Variants in LIPA observed in about 807,000 individuals in gnomAD.
LIPA encodes lysosomal acid lipase/cholesteryl ester hydrolase.
A neutral mutation model predicts 40.6 loss-of-function variants in LIPA; 26 were observed. The ratio of observed to expected loss-of-function variants is 0.64; its 90% CI spans 0.47 to 0.89. The LOEUF is 0.89. Among genes scored for constraint, LIPA ranks in the 40% least tolerant of loss-of-function variants. The probability of loss-of-function intolerance (pLI) is 0.00; values close to 1 mark genes in which losing one functional copy is unlikely to be tolerated. For synonymous variants in LIPA, 188 were observed against 168.4 expected (o/e 1.12, Z -0.90); for missense variants, 455 against 479.6 (o/e 0.95, Z 0.48).
intron 1 of LIPA, among the ~76,000 whole-genome samples, chr10:89,334,677 C>T (rs1477666485): frequency 6.7e-6 from 1 of 150,330 alleles, no homozygotes; most frequent in Non-Finnish European, 1.5e-5. Context: ...GTTTTTAGTA[C>T]AGGCGGGGTT....
In LIPA at chr10:89,397,474, G is replaced by A. The variant is rs1844361038; in HGVS notation, c.61+15317C>T. Among the ~76,000 whole-genome samples, 3 of 151,628 alleles carry A rather than the reference G, an allele frequency of 2.0e-5. No individual in the cohort carries two copies. In the South Asian group the frequency reaches 6.2e-4, roughly 31 times the overall value. On this transcript the variant is annotated intron_variant, in intron 2 of 8. Transcript: ENST00000371837. The stretch of plus-strand genomic sequence containing the variant: ...CATCCATTTAAACTCTTGCCAATCT[G>A]AGTGGAATAAAGTTATAAATTATTG...
intron 1 of LIPA, 73 bp from the exon 2 acceptor site, chr10:89,247,722 C>T (rs1219013118): frequency 9.2e-7 from 1 of 1,082,816 alleles, no homozygotes; most frequent in Non-Finnish European, 1.4e-6. Flanking sequence ...ACTTAATGCT[C>T]CCACAAAAAG....
chr10:89,413,963 A>C (rs1200754389), intron 1 of LIPA, among the ~76,000 whole-genome samples: 1 of 152,130 alleles, frequency 6.6e-6, no homozygotes, highest in African/African-American at 2.4e-5. Context: ...AAGGGGACAA[A>C]ATGTTTAAGG....
intron 2 of LIPA, among the ~76,000 whole-genome samples, chr10:89,353,008 A>G (rs972814860): frequency 6.6e-6 from 1 of 152,184 alleles, no homozygotes; most frequent in Non-Finnish European, 1.5e-5. Flanking sequence ...CCTATCGTTC[A>G]TGTAAAACTG....
At chr10:89,390,940 A>G (rs1028701175) in intron 2 of LIPA, among the ~76,000 whole-genome samples, 1 of 152,202 alleles carries the variant, frequency 6.6e-6, no homozygotes, top group Non-Finnish European at 1.5e-5. Context: ...CATGTATCTG[A>G]GTGCAAGACA....
chr10:89,400,781 A>G (rs2133626349), intron 2 of LIPA, among the ~76,000 whole-genome samples: 1 of 152,324 alleles, frequency 6.6e-6, no homozygotes, highest in African/African-American at 2.4e-5. Context: ...TGCTCTGACT[A>G]GAATTTCCAG....
At chr10:89,373,334 C>CAAAAAAAAAAAAA (rs34479360) in intron 2 of LIPA, among the ~76,000 whole-genome samples, 7 of 63,164 alleles carry the variant, frequency 1.1e-4, no homozygotes, top group African/African-American at 4.3e-4. Context: ...GACTCCCTCT[C>CAAAAAAAAAAAAA]AAAAAAAAAA....
At chr10:89,233,609 G>A (rs1157230267) in intron 3 of LIPA, among the ~76,000 whole-genome samples, 2 of 152,198 alleles carry the variant, frequency 1.3e-5, no homozygotes, top group African/African-American at 2.4e-5. Context: ...CCCTTAAAAA[G>A]CAATGGCAGG....
intron 2 of LIPA, among the ~76,000 whole-genome samples, chr10:89,352,243 T>C (rs1158926476): frequency 7.9e-5 from 12 of 152,130 alleles, no homozygotes; most frequent in Admixed American, 7.2e-4. Context: ...TTTCTAAAAA[T>C]TGACCTCTAT....
intron 2 of LIPA, among the ~76,000 whole-genome samples, chr10:89,385,916 AG>A (rs1229748216): frequency 6.6e-6 from 1 of 152,258 alleles, no homozygotes; most frequent in African/African-American, 2.4e-5. Flanking sequence ...TTCAAAAACA[AG>A]TGTATTTTGT....
chr10:89,392,867 A>G, intron 2 of LIPA: 1 of 795,902 alleles, frequency 1.3e-6, no homozygotes, highest in Non-Finnish European at 2.1e-6. Context: ...GTGTGCATGC[A>G]TGTGTGTGCA....
At chr10:89,276,475 A>C (rs541070339) in intron 1 of LIPA, among the ~76,000 whole-genome samples, 1 of 152,242 alleles carries the variant, frequency 6.6e-6, no homozygotes, top group African/African-American at 2.4e-5. Flanking sequence ...TTGGTTAACT[A>C]TAATACACCA....
At chr10:89,324,157 A>G (rs190293045) in intron 1 of LIPA, among the ~76,000 whole-genome samples, 3 of 152,324 alleles carry the variant, frequency 2.0e-5, no homozygotes, top group Non-Finnish European at 4.4e-5. Flanking sequence ...ACCAAAATGC[A>G]TGGTACTGGT....
chr10:89,283,290 T>G (rs533410371), intron 1 of LIPA, among the ~76,000 whole-genome samples: 1 of 152,326 alleles, frequency 6.6e-6, no homozygotes, highest in South Asian at 2.1e-4. Context: ...TAGGTCATTT[T>G]CCTTTTTCTG....
chr10:89,287,897 TG>T (rs1215534626), intron 1 of LIPA, among the ~76,000 whole-genome samples: 2 of 152,178 alleles, frequency 1.3e-5, no homozygotes, highest in African/African-American at 4.8e-5. Flanking sequence ...TACACTCTTT[TG>T]TCCTCAATAC....
chr10:89,280,156 A>G (rs940422871), intron 1 of LIPA, among the ~76,000 whole-genome samples: 4 of 152,222 alleles, frequency 2.6e-5, no homozygotes, highest in African/African-American at 9.6e-5. Flanking sequence ...AACAACATGG[A>G]TGGGGAGTGA....
At chr10:89,377,166 G>C (rs968449436) in intron 2 of LIPA, among the ~76,000 whole-genome samples, 8 of 152,140 alleles carry the variant, frequency 5.3e-5, no homozygotes, top group African/African-American at 1.9e-4. Context: ...TCAGCCTTGG[G>C]ATCATATAAA....
At chr10:89,335,714 A>G (rs10887947) in intron 1 of LIPA, among the ~76,000 whole-genome samples, 31,912 of 151,978 alleles carry the variant, frequency 0.21, 4,396 homozygotes, top group East Asian at 0.61. Context: ...TCAGGCACCC[A>G]TATGTACCTA....
intron 1 of LIPA, chr10:89,292,346 G>A (rs1409923545): frequency 6.6e-6 from 1 of 152,172 alleles, no homozygotes; most frequent in Non-Finnish European, 1.5e-5. Flanking sequence ...TAGCATCCCA[G>A]TTTCTCACTG....
Sources: gnomAD v4.1 joint callset for allele counts (sites outside exome capture counted in the v4.1 genomes callset) on GRCh38, gnomAD v4.1.1 for gene constraint, MANE v1.5 for transcripts, NCBI Gene and HGNC (gene_info 2026-07-23, HGNC 2026-07-21) for gene names.